Variants in FAM13B observed in about 807,000 individuals in gnomAD.
The protein encoded by FAM13B is family with sequence similarity 13 member B.
In FAM13B, 60 loss-of-function variants were observed where a neutral mutation model predicts 117.3. The observed-to-expected ratio is 0.51, with a 90% CI of 0.42 to 0.63. The LOEUF is 0.63. FAM13B is among the 30% of genes least tolerant of loss of function. The pLI, the probability that FAM13B is intolerant of heterozygous loss-of-function variation, is 0.00. For missense variants in FAM13B, 972 were observed against 1,091.9 expected (o/e 0.89, Z 1.55); for synonymous variants, 332 against 356.1 (o/e 0.93, Z 0.76).
At chr5:137,971,604 C>T (rs561062683) in intron 10 of FAM13B, among the ~76,000 whole-genome samples, 63 of 151,794 alleles carry the variant, frequency 4.2e-4, no homozygotes, top group Admixed American at 3.6e-3. Context: ...CAAGAAATAA[C>T]TAAAATCAGA....
rs1168140325 is a variant in FAM13B at position 137,970,461 on chromosome 5, C to T, written c.1180-7992G>A. Among the ~76,000 whole-genome samples the T allele has an allele frequency of 7.9e-5, 12 of 151,872 alleles. No individual in the cohort carries two copies. The South Asian group carries it at 2.1e-3, about 26-fold the overall frequency. On this transcript the variant is annotated intron_variant, in intron 10 of 23. Transcript: ENST00000689681. Reference sequence around the variant, plus strand: ...GCCCTAAAAGAGCTCCTGAAGGAAGCGCTAAACATGGAAAGGAACAACCGG... The same window carrying T: ...GCCCTAAAAGAGCTCCTGAAGGAAGTGCTAAACATGGAAAGGAACAACCGG...
upstream of FAM13B, among the ~76,000 whole-genome samples, chr5:138,035,135 C>T (rs556513708): frequency 3.5e-4 from 52 of 150,114 alleles, 1 homozygote; most frequent in South Asian, 0.011. Flanking sequence ...ACCCTAGTCT[C>T]CTGAGTAGCT....
chr5:137,991,104 T>C, intron 7 of FAM13B, among the ~76,000 whole-genome samples: 1 of 152,152 alleles, frequency 6.6e-6, no homozygotes, highest in Non-Finnish European at 1.5e-5. Flanking sequence ...TCCAATATTA[T>C]AAAACTTCTC....
At chr5:138,044,169 T>C (rs541540525) in intron 1 of FAM13B, among the ~76,000 whole-genome samples, 2 of 152,108 alleles carry the variant, frequency 1.3e-5, no homozygotes, top group South Asian at 4.1e-4. Context: ...CCTCAAGCGA[T>C]CCTCCCACTT....
At chr5:137,957,948 A>G (rs1767069369) in intron 13 of FAM13B, among the ~76,000 whole-genome samples, 2 of 152,270 alleles carry the variant, frequency 1.3e-5, no homozygotes, top group Admixed American at 1.3e-4. Flanking sequence ...GAGAAGGTCT[A>G]TCCTCTTCAG....
At chr5:138,033,664 A>ATACTAAAATCAGCCG (rs931751920), upstream of FAM13B, 5 of 152,366 alleles carry the variant, frequency 3.3e-5, no homozygotes, top group African/African-American at 1.2e-4. Flanking sequence ...GGAGCTTCGT[A>ATACTAAAATCAGCCG]TACTAAAATC....
chr5:138,017,042 G>A (rs1343643672), intron 4 of FAM13B, among the ~76,000 whole-genome samples: 4 of 152,142 alleles, frequency 2.6e-5, no homozygotes, highest in African/African-American at 9.7e-5. Flanking sequence ...GTAATTTTGG[G>A]GGGAGAAAAA....
chr5:138,041,442 A>G (rs1459357196), intron 1 of FAM13B, among the ~76,000 whole-genome samples: 1 of 152,224 alleles, frequency 6.6e-6, no homozygotes, highest in African/African-American at 2.4e-5. Context: ...TATACATGTT[A>G]AAATTTCTAC....
intron 7 of FAM13B, among the ~76,000 whole-genome samples, chr5:137,998,309 C>T (rs1780343982): frequency 6.6e-6 from 1 of 152,192 alleles, no homozygotes; most frequent in African/African-American, 2.4e-5. Context: ...TCTTCCTCAC[C>T]AGCCACTTGA....
chr5:138,020,880 T>G, intron 2 of FAM13B, 151 bp downstream of exon 2: 1 of 430,758 alleles, frequency 2.3e-6, no homozygotes, highest in Non-Finnish European at 3.8e-6. Flanking sequence ...ATTTACATAG[T>G]CTCAGACAAG....
chr5:137,979,236 C>T (rs1393314424), intron 10 of FAM13B, among the ~76,000 whole-genome samples: 1 of 152,130 alleles, frequency 6.6e-6, no homozygotes, highest in African/African-American at 2.4e-5. Flanking sequence ...TGGTCTCGAA[C>T]TCCTGACCTC....
chr5:138,044,620 T>C (rs1441617692), intron 1 of FAM13B, among the ~76,000 whole-genome samples: 1 of 151,934 alleles, frequency 6.6e-6, no homozygotes, highest in Non-Finnish European at 1.5e-5. Context: ...CACAACCTTT[T>C]CACGGTACAG....
chr5:137,968,370 G>A lies in FAM13B; in HGVS notation c.1180-5901C>T, dbSNP rs117594340. On this transcript the variant is annotated intron_variant, in intron 10 of 23. Coordinates refer to ENST00000689681, the MANE Select transcript of FAM13B (RefSeq NM_001385994.1). The stretch of plus-strand genomic sequence containing the variant: ...GCATGAGACTCACTTGAATCTGGGA[G>A]GTAGAGGCTGCAGCAAACCGAGATC... Among the ~76,000 whole-genome samples the A allele has an allele frequency of 3.2e-4, 48 of 151,390 alleles. 1 individual carries two copies. In the East Asian group the frequency reaches 8.9e-3, roughly 28 times the overall value.
intron 7 of FAM13B, among the ~76,000 whole-genome samples, chr5:138,003,909 T>A (rs1781887528): frequency 6.6e-6 from 1 of 152,198 alleles, no homozygotes; most frequent in South Asian, 2.1e-4. Context: ...CCAGAATCCT[T>A]CTTATTAATA....
chr5:137,995,716 T>C (rs189185337), intron 7 of FAM13B, among the ~76,000 whole-genome samples: 1 of 152,324 alleles, frequency 6.6e-6, no homozygotes, highest in Non-Finnish European at 1.5e-5. Context: ...TCAAAAGATT[T>C]CTCACTGTTA....
intron 5 of FAM13B, 118 bp from the exon 6 acceptor site, chr5:138,011,267 C>G: frequency 1.1e-6 from 1 of 909,554 alleles, no homozygotes; most frequent in Non-Finnish European, 1.7e-6. Context: ...TTCTGTGCTT[C>G]CATTCTCCCA....
At chr5:137,980,377 T>G (rs1212076360) in intron 10 of FAM13B, among the ~76,000 whole-genome samples, 1 of 151,088 alleles carries the variant, frequency 6.6e-6, no homozygotes, top group Non-Finnish European at 1.5e-5. Flanking sequence ...AAAGGTTTCC[T>G]AAAAACAATT....
At chr5:137,983,535 T>A (rs1005740507) in intron 10 of FAM13B, among the ~76,000 whole-genome samples, 1 of 152,010 alleles carries the variant, frequency 6.6e-6, no homozygotes, top group Admixed American at 6.6e-5. Flanking sequence ...TTTTCTGAAC[T>A]TGGAAGAAAT....
At position 138,018,328 on chromosome 5, in the gene FAM13B, T is replaced by C. The variant is rs1561535738; in HGVS notation, c.344A>G (p.His115Arg). ...LPEPVIPGSL[H>R]IHLMQLSQDY... ...TTGAGAAAGCTGCATCAAGTGAATATGTAAACTGCCAGGGATAACAGGTTC... is the reference window on the plus strand; with the variant it reads ...TTGAGAAAGCTGCATCAAGTGAATACGTAAACTGCCAGGGATAACAGGTTC... Residue 115 changes from histidine (H) to arginine (R), a missense_variant, in exon 4 of 24, where the codon CAT becomes CGT. Transcript: ENST00000689681. The C allele has an allele frequency of 6.2e-7, 1 of 1,614,136 alleles. No individual in the cohort carries two copies. Among genetic ancestry groups the C allele is most frequent in the East Asian group, 2.2e-5 (1 of 44,874 alleles).
Sources: gnomAD v4.1 joint callset for allele counts (sites outside exome capture counted in the v4.1 genomes callset) on GRCh38, gnomAD v4.1.1 for gene constraint, MANE v1.5 for transcripts, NCBI Gene and HGNC (gene_info 2026-07-23, HGNC 2026-07-21) for gene names.